KAZN: variants seen among roughly 807,000 people sequenced by gnomAD.
KAZN encodes the protein kazrin.
A neutral mutation model predicts 87.4 loss-of-function variants in KAZN; 40 were observed. The observed-to-expected ratio is 0.46, with a 90% CI of 0.36 to 0.60. The LOEUF (loss-of-function observed/expected upper bound fraction) is 0.60. Ranked by LOEUF, KAZN falls within the 20% of genes least tolerant of loss-of-function variation. The pLI, the probability that KAZN is intolerant of heterozygous loss-of-function variation, is 0.00. For synonymous variants in KAZN, 466 were observed against 458.3 expected, an observed-to-expected ratio of 1.02 and a Z score of -0.22; for missense variants, 898 against 1,073.9, an observed-to-expected ratio of 0.84 and a Z score of 2.29.
chr1:14,628,935 C>T (rs1679351612), intron 1 of KAZN, among the ~76,000 whole-genome samples: 1 of 150,752 alleles, frequency 6.6e-6, no homozygotes, highest in Non-Finnish European at 1.5e-5. Flanking sequence ...CAACCTCTGT[C>T]TCCCGGGTTC....
intron 2 of KAZN, among the ~76,000 whole-genome samples, chr1:14,431,333 C>T (rs1012201507): frequency 1.3e-5 from 2 of 152,132 alleles, no homozygotes; most frequent in African/African-American, 4.8e-5. Context: ...TATCCAAGCC[C>T]AAATAGCCAA....
chr1:14,915,049 T>C (rs953983652), intron 1 of KAZN, among the ~76,000 whole-genome samples: 4 of 152,078 alleles, frequency 2.6e-5, no homozygotes, highest in African/African-American at 9.7e-5. Flanking sequence ...TAGCCGGGCG[T>C]GGTGGTGCAT....
At chr1:14,319,648 G>C (rs964826360) in intron 2 of KAZN, among the ~76,000 whole-genome samples, 1 of 152,106 alleles carries the variant, frequency 6.6e-6, no homozygotes, top group African/African-American at 2.4e-5. Flanking sequence ...CTCCCTTCTC[G>C]ACAGCCTGCA....
chr1:15,056,329 A>T lies in KAZN; in HGVS notation c.916+49A>T, dbSNP rs1490385368. 1 of 1,533,590 alleles carries T rather than the reference A, an allele frequency of 6.5e-7. No homozygotes were observed. Among genetic ancestry groups the T allele is most frequent in the Middle Eastern group, 2.0e-4 (1 of 4,990 alleles). 95.0% of individuals were successfully genotyped at this position (1,533,590 alleles called of 1,614,324 possible). On this transcript the variant is annotated intron_variant, in intron 5 of 14. Transcript: ENST00000376030. The surrounding 1 kb of genome is among the most constrained non-coding windows in gnomAD (Gnocchi z 5.4). ...CCACCACGGCTTCGAGGGGCTTCACAGGAGGCCATCTGACCCAGTGGGAGA... is the reference window on the plus strand; with the variant it reads ...CCACCACGGCTTCGAGGGGCTTCACTGGAGGCCATCTGACCCAGTGGGAGA...
intron 1 of KAZN, among the ~76,000 whole-genome samples, chr1:14,718,482 G>T (rs1642923183): frequency 6.6e-6 from 1 of 152,184 alleles, no homozygotes; most frequent in Non-Finnish European, 1.5e-5. Context: ...TGTAATAAAA[G>T]GAAGAGAATT....
chr1:14,574,684 T>C (rs967646416), intron 2 of KAZN, among the ~76,000 whole-genome samples: 25 of 152,204 alleles, frequency 1.6e-4, no homozygotes, highest in Admixed American at 1.6e-3. Flanking sequence ...TACACCTACA[T>C]TCATTCAACC....
At chr1:14,670,178 C>T (rs1398494219) in intron 1 of KAZN, among the ~76,000 whole-genome samples, 1 of 142,708 alleles carries the variant, frequency 7.0e-6, no homozygotes, top group East Asian at 2.4e-4. Context: ...TAGGCAAAAA[C>T]TTAGACTCTT....
intron 1 of KAZN, among the ~76,000 whole-genome samples, chr1:14,688,926 G>A (rs1641120960): frequency 6.6e-6 from 1 of 152,152 alleles, no homozygotes; most frequent in African/African-American, 2.4e-5. Context: ...GGGCGCGGTG[G>A]CTCACGCCTG....
At chr1:14,216,342 A>C (rs564437047) in intron 2 of KAZN, among the ~76,000 whole-genome samples, 1 of 152,326 alleles carries the variant, frequency 6.6e-6, no homozygotes, top group South Asian at 2.1e-4. Flanking sequence ...AAGGAGTGGA[A>C]TGGTCTGGGT....
At chr1:15,029,372 C>T (rs1671462866) in intron 2 of KAZN, among the ~76,000 whole-genome samples, 1 of 152,182 alleles carries the variant, frequency 6.6e-6, no homozygotes, top group African/African-American at 2.4e-5. Context: ...CCGCAGGTCC[C>T]CTCTTAGGCA....
At chr1:14,107,936 T>C (rs191880658) in intron 1 of KAZN, among the ~76,000 whole-genome samples, 1 of 152,276 alleles carries the variant, frequency 6.6e-6, no homozygotes, top group Admixed American at 6.5e-5. Context: ...TCCTCTGTGA[T>C]TGTGCCTTAG....
chr1:14,393,351 A>T (rs2050941), intron 2 of KAZN, among the ~76,000 whole-genome samples: 1 of 152,026 alleles, frequency 6.6e-6, no homozygotes, highest in Admixed American at 6.5e-5. Flanking sequence ...TATTGCTATT[A>T]TCATCATGAT....
chr1:14,131,262 C>G (rs1346938552), intron 1 of KAZN, among the ~76,000 whole-genome samples: 1 of 152,174 alleles, frequency 6.6e-6, no homozygotes, highest in East Asian at 1.9e-4. Context: ...CCGGGGATTA[C>G]AAATTTAACA....
At chr1:14,555,007 C>A (rs1268566251) in intron 2 of KAZN, among the ~76,000 whole-genome samples, 1 of 152,172 alleles carries the variant, frequency 6.6e-6, no homozygotes, top group African/African-American at 2.4e-5. Context: ...TTCCGAAGAA[C>A]AAGTTAATGG....
In KAZN at chr1:14,851,133, C is replaced by T. The variant is rs562769980; in HGVS notation, c.227-109551C>T. The stretch of plus-strand genomic sequence containing the variant: ...TTAATCCCTTCCAGTGCCCAGCCCA[C>T]CTCTCCCCTCCTAGACGGCTCACAG... On this transcript the variant is annotated intron_variant, in intron 1 of 14. Transcript: ENST00000376030. 6.3e-4 allele frequency among the ~76,000 whole-genome samples: 96 copies of T among 152,300 alleles called. 4 individuals carry two copies. The highest frequency in any genetic ancestry group is 2.2e-3 in the African/African-American group (92 of 41,574).
At chr1:14,717,130 A>C (rs1173242936) in intron 1 of KAZN, among the ~76,000 whole-genome samples, 1 of 150,082 alleles carries the variant, frequency 6.7e-6, no homozygotes, top group African/African-American at 2.5e-5. Context: ...TCGTCCTTGG[A>C]TGTGCATGCT....
Position 14,714,803 on chromosome 1 carries a change from T to G in KAZN, c.226+115580T>G, listed in dbSNP as rs561393607. On this transcript the variant is annotated intron_variant, in intron 1 of 14. Transcript: ENST00000376030. ...TTCTTTTTCTTTTTTTTTTGTTTTT[T>G]TTTTTTTTTGAGACAGGTTCTTGCT... is the stretch of plus-strand genomic sequence containing the variant. Among the ~76,000 whole-genome samples the G allele has an allele frequency of 3.9e-4, 58 of 149,002 alleles. 2 individuals carry two copies. The highest frequency in any genetic ancestry group is 3.0e-5 in the Non-Finnish European group (2 of 67,130).
intron 1 of KAZN, among the ~76,000 whole-genome samples, chr1:14,911,809 T>A (rs1250756387): frequency 6.6e-6 from 1 of 152,076 alleles, no homozygotes; most frequent in African/African-American, 2.4e-5. Context: ...TCTGGAAGAT[T>A]GTTCTATCTA....
intron 2 of KAZN, among the ~76,000 whole-genome samples, chr1:14,971,296 G>C (rs1000460549): frequency 6.6e-6 from 1 of 152,220 alleles, no homozygotes; most frequent in Non-Finnish European, 1.5e-5. Flanking sequence ...TACTCAGGAG[G>C]CTGAGGCAGG....
Sources: allele counts gnomAD v4.1 joint callset (sites outside exome capture counted in the v4.1 genomes callset), GRCh38; gene constraint gnomAD v4.1.1; non-coding constraint Gnocchi (gnomAD v3.1); transcripts MANE v1.5; gene names NCBI Gene and HGNC (gene_info 2026-07-23, HGNC 2026-07-21).